The following EMILIN2 variants were observed in gnomAD, a reference collection of about 807,000 sequenced individuals.
EMILIN2 encodes the protein elastin microfibril interfacer 2.
In EMILIN2, 71 loss-of-function variants were observed where a neutral mutation model predicts 87.1. That is an observed-to-expected ratio of 0.82 (90% CI 0.67 to 0.99). EMILIN2 has a LOEUF of 0.99. EMILIN2 is among the 50% of genes least tolerant of loss of function. EMILIN2 has a pLI of 0.00. For synonymous variants in EMILIN2, 581 were observed against 563.4 expected (o/e 1.03, Z -0.44); for missense variants, 1,407 against 1,371.8 (o/e 1.03, Z -0.40).
chr18:2,912,125 G>A (rs1348709155), intron 7 of EMILIN2, among the ~76,000 whole-genome samples: 1 of 140,094 alleles, frequency 7.1e-6, no homozygotes, highest in African/African-American at 2.7e-5. Flanking sequence ...TGCAACCTCC[G>A]CCACATGGGT....
In EMILIN2 at chr18:2,891,433, C is replaced by A; in HGVS notation, c.1306C>A (p.Arg436Ser). ...LNGRLDNEFD[R>S]LIVPEPDVDF... Reference sequence around the variant, plus strand: ...TGGAAGACTGGACAATGAGTTTGACCGCCTTATAGTTCCAGAGCCAGATGT... The same window carrying A: ...TGGAAGACTGGACAATGAGTTTGACAGCCTTATAGTTCCAGAGCCAGATGT... The change falls in exon 4 of 8, where the codon CGC (arginine) becomes AGC (serine). Residue 436 changes from arginine to serine, a missense_variant. Coordinates refer to ENST00000254528, the MANE Select transcript of EMILIN2 (RefSeq NM_032048.3). The surrounding 1 kb of genome is among the most constrained non-coding windows in gnomAD (Gnocchi z 4.6). 1 of 1,614,114 alleles carries A rather than the reference C, an allele frequency of 6.2e-7. No homozygotes were observed. Among genetic ancestry groups the A allele is most frequent in the Non-Finnish European group, 8.5e-7 (1 of 1,180,018 alleles).
At chr18:2,889,133 C>CTTTTCTTTTTTTT (rs2076819032) in intron 3 of EMILIN2, among the ~76,000 whole-genome samples, 1 of 84,354 alleles carries the variant, frequency 1.2e-5, no homozygotes. Context: ...TCTTTCTTTT[C>CTTTTCTTTTTTTT]TTTTTTTTTT....
Position 2,914,018 on chromosome 18 carries a change from G to T in EMILIN2, c.*614G>T, listed in dbSNP as rs1357487580. The T allele has an allele frequency of 6.5e-6, 1 of 152,838 alleles. No homozygotes were observed. The highest frequency in any genetic ancestry group is 2.4e-5 in the African/African-American group (1 of 41,472). 9.5% of individuals were successfully genotyped at this position (152,838 alleles called of 1,614,324 possible). A position where few individuals can be genotyped will look rare whatever the true frequency, so the allele number is the denominator to read the frequency against. On this transcript the variant is annotated 3_prime_UTR_variant, in exon 8 of 8. Coordinates refer to ENST00000254528, the MANE Select transcript of EMILIN2 (RefSeq NM_032048.3). Reference sequence around the variant, plus strand: ...GCTTGTTGGGCTCCTTAAATGGCATGTACAATTTAAGTGCAAAGACAGGGA... The same window carrying T: ...GCTTGTTGGGCTCCTTAAATGGCATTTACAATTTAAGTGCAAAGACAGGGA...
Position 2,886,594 on chromosome 18 carries a change from C to G in EMILIN2, c.433+1455C>G, listed in dbSNP as rs550743961. Reference sequence around the variant, plus strand: ...TCCTCAACACATGGCTCCTATCCCCCCATCCCTTCCATACAGTTAGACCAT... The same window carrying G: ...TCCTCAACACATGGCTCCTATCCCCGCATCCCTTCCATACAGTTAGACCAT... On this transcript the variant is annotated intron_variant, in intron 3 of 7. Coordinates refer to ENST00000254528, the MANE Select transcript of EMILIN2 (RefSeq NM_032048.3). Among the ~76,000 whole-genome samples, 5 of 152,320 alleles carry G rather than the reference C, an allele frequency of 3.3e-5. No homozygotes were observed. In the East Asian group the frequency reaches 9.6e-4, roughly 29 times the overall value.
At chr18:2,857,910 C>A (rs1171490450) in intron 2 of EMILIN2, among the ~76,000 whole-genome samples, 1 of 152,204 alleles carries the variant, frequency 6.6e-6, no homozygotes, top group East Asian at 1.9e-4. Flanking sequence ...TTTCCCATCA[C>A]AACAAGTTTC....
intron 4 of EMILIN2, among the ~76,000 whole-genome samples, chr18:2,895,015 T>A (rs1321372450): frequency 3.3e-5 from 5 of 152,220 alleles, no homozygotes; most frequent in South Asian, 2.1e-4. Context: ...TGCAGAGAGA[T>A]GAATGAGATT....
rs2076952681 is a variant in EMILIN2 at position 2,913,464 on chromosome 18, A to G, written c.*60A>G. The G allele has an allele frequency of 3.6e-6, 5 of 1,377,306 alleles. No homozygotes were observed. In the Admixed American group the frequency reaches 9.4e-5, roughly 26 times the overall value. 85.3% of individuals were successfully genotyped at this position (1,377,306 alleles called of 1,614,324 possible). ...GTTGTAAAAACTCTAAAGCTTTAATATATTCGGTTTGTATGTAATGGAAGC... is the reference window on the plus strand; with the variant it reads ...GTTGTAAAAACTCTAAAGCTTTAATGTATTCGGTTTGTATGTAATGGAAGC... On this transcript the variant is annotated 3_prime_UTR_variant, in exon 8 of 8. Coordinates refer to ENST00000254528, the MANE Select transcript of EMILIN2 (RefSeq NM_032048.3).
Position 2,862,850 on chromosome 18 carries a change from C to T in EMILIN2, c.257+14919C>T, listed in dbSNP as rs1028398739. Among the ~76,000 whole-genome samples the T allele has an allele frequency of 6.6e-5, 10 of 152,262 alleles. No individual in the cohort carries two copies. In the East Asian group the frequency reaches 1.7e-3, roughly 26 times the overall value. On this transcript the variant is annotated intron_variant, in intron 2 of 7. Transcript: ENST00000254528. Reference sequence around the variant, plus strand: ...AATACAGCTGTGAATCCATCTGGTCCTGGACTTTTTTTGGTTTGAAATCTA... The same window carrying T: ...AATACAGCTGTGAATCCATCTGGTCTTGGACTTTTTTTGGTTTGAAATCTA...
In EMILIN2 at chr18:2,891,666, T is replaced by G; in HGVS notation, c.1539T>G (p.Gly513=). 6.2e-7 allele frequency: 1 copy of G among 1,614,114 alleles called. No homozygotes were observed. The change falls in exon 4 of 8, where the codon GGT becomes GGG. Residue 513 remains glycine, a synonymous_variant. Coordinates refer to ENST00000254528, the MANE Select transcript of EMILIN2 (RefSeq NM_032048.3). The surrounding 1 kb of genome is among the most constrained non-coding windows in gnomAD (Gnocchi z 4.6). ...TCCTACAGATGACCAATAACACTGG[T>G]GCAGAGCTCAGTCCCCCAGGGGCAG... ...SVLLQMTNNT[G]AELSPPGAAA...
At chr18:2,858,541 A>G (rs1158120286) in intron 2 of EMILIN2, among the ~76,000 whole-genome samples, 16 of 37,290 alleles carry the variant, frequency 4.3e-4, no homozygotes, top group Non-Finnish European at 5.3e-4. Context: ...ATATATATAT[A>G]TATATATATA....
intron 2 of EMILIN2, among the ~76,000 whole-genome samples, chr18:2,853,087 T>G (rs983925641): frequency 7.9e-5 from 12 of 152,196 alleles, no homozygotes; most frequent in African/African-American, 2.9e-4. Context: ...AAGGGACCTG[T>G]GGACTCTAAA....
chr18:2,846,453 G>GC (rs1355296066), upstream of EMILIN2, among the ~76,000 whole-genome samples: 1 of 152,162 alleles, frequency 6.6e-6, no homozygotes, highest in African/African-American at 2.4e-5. The surrounding 1 kb of genome is among the most constrained non-coding windows in gnomAD (Gnocchi z 5.3). Context: ...CTGTCCTGCC[G>GC]CCCCCCGCGT....
Position 2,894,627 on chromosome 18 carries a change from T to TG in EMILIN2, c.2359+2147dup, listed in dbSNP as rs1397772941. Among the ~76,000 whole-genome samples the TG allele has an allele frequency of 6.6e-5, 10 of 152,166 alleles. No individual in the cohort carries two copies. Among genetic ancestry groups the TG allele is most frequent in the Admixed American group, 3.9e-4 (6 of 15,276 alleles). ...CGCATTTGTCTGTTGCAGTAGGAGTTGGGGGGTGAATTCTTTTAAAAGAGA... is the reference window on the plus strand; with the variant it reads ...CGCATTTGTCTGTTGCAGTAGGAGTTGGGGGGGTGAATTCTTTTAAAAGAGA... On this transcript the variant is annotated intron_variant, in intron 4 of 7. Transcript: ENST00000254528. This position sits in a 1 kb window ranked among gnomAD's most constrained non-coding sequence, Gnocchi z 5.0.
At position 2,913,411 on chromosome 18, in the gene EMILIN2, TG is replaced by T. The variant is rs751690646; in HGVS notation, c.*11del. 20 of 1,555,826 alleles carry T rather than the reference TG, an allele frequency of 1.3e-5. No homozygotes were observed. The East Asian group carries it at 4.5e-4, about 35-fold the overall frequency. ...TTTCCTTTCCCACCTCTAAGGTGGC[TG>T]GGGAGATGTCAGGGGAAAGATAGAT... On this transcript the variant is annotated 3_prime_UTR_variant, in exon 8 of 8. Coordinates refer to ENST00000254528, the MANE Select transcript of EMILIN2 (RefSeq NM_032048.3).
chr18:2,858,579 G>GTATATATATATATATATATATATATATA, intron 2 of EMILIN2, among the ~76,000 whole-genome samples: 1 of 62,406 alleles, frequency 1.6e-5, no homozygotes, highest in Non-Finnish European at 2.7e-5. Context: ...ATGTGTGTGT[G>GTATATATATATATATATATATATATATA]TGTGTATATA....
rs368411362 is a variant in EMILIN2 at position 2,909,713 on chromosome 18, G to A, written c.2718G>A (p.Val906=). 9.9e-6 allele frequency: 16 copies of A among 1,614,000 alleles called. No homozygotes were observed. In the African/African-American group the frequency reaches 2.0e-4, roughly 20 times the overall value. ...ASPGAPVPSL[V]SFSAGLTQKP... ...CAGGAGCTCCGGTGCCTTCTCTGGT[G>A]TCTTTTTCTGCGGGGCTCACCCAGA... Residue 906 remains valine, a synonymous_variant, in exon 7 of 8, where the codon GTG becomes GTA. Transcript: ENST00000254528.
intron 2 of EMILIN2, among the ~76,000 whole-genome samples, chr18:2,866,912 G>A (rs986271343): frequency 2.6e-5 from 4 of 152,158 alleles, no homozygotes; most frequent in African/African-American, 9.7e-5. Context: ...ATAAAGCAAT[G>A]CTGGATTTTA....
chr18:2,861,907 A>G (rs376246024), intron 2 of EMILIN2, among the ~76,000 whole-genome samples: 2 of 152,108 alleles, frequency 1.3e-5, no homozygotes, highest in Admixed American at 6.5e-5. Context: ...CTTTTATTTC[A>G]TTGAGCAGTG....
At chr18:2,895,761 G>C (rs1449476319) in intron 4 of EMILIN2, among the ~76,000 whole-genome samples, 1 of 152,234 alleles carries the variant, frequency 6.6e-6, no homozygotes, top group Non-Finnish European at 1.5e-5. Flanking sequence ...GGCTAGCCCA[G>C]AGCTGGAGTG....
Sources: gnomAD v4.1 joint callset for allele counts (sites outside exome capture counted in the v4.1 genomes callset) on GRCh38, gnomAD v4.1.1 for gene constraint, Gnocchi (gnomAD v3.1) non-coding constraint, MANE v1.5 for transcripts, NCBI Gene and HGNC (gene_info 2026-07-23, HGNC 2026-07-21) for gene names.